PTBP3: variants seen among roughly 807,000 people sequenced by gnomAD.
PTBP3 encodes polypyrimidine tract-binding protein 3.
Under a neutral mutation model 58.7 loss-of-function variants are expected in PTBP3, and 20 were observed. That is an observed-to-expected ratio of 0.34 (90% CI 0.24 to 0.50). The LOEUF (loss-of-function observed/expected upper bound fraction) is 0.50. Ranked by LOEUF, PTBP3 falls within the 20% of genes least tolerant of loss-of-function variation. The pLI, the probability that PTBP3 is intolerant of heterozygous loss-of-function variation, is 0.98. For synonymous variants in PTBP3, 185 were observed against 219.8 expected (o/e 0.84, Z 1.40); for missense variants, 509 against 637.2 (o/e 0.80, Z 2.17).
chr9:112,326,599 T>C (rs904826431), intron 1 of PTBP3, among the ~76,000 whole-genome samples: 1 of 152,276 alleles, frequency 6.6e-6, no homozygotes, highest in Non-Finnish European at 1.5e-5. Context: ...TATGTGAGTT[T>C]TTCATACTCA....
chr9:112,345,126 T>C, the PTBP3 span, among the ~76,000 whole-genome samples: 1 of 151,572 alleles, frequency 6.6e-6, no homozygotes, highest in Admixed American at 6.6e-5. Flanking sequence ...ATAATGAAAA[T>C]AATACCACTG....
At chr9:112,253,430 G>A (rs10817301) in intron 5 of PTBP3, among the ~76,000 whole-genome samples, 41,289 of 151,964 alleles carry the variant, frequency 0.27, 6,695 homozygotes, top group South Asian at 0.4. Context: ...AAAGAGTGAG[G>A]GGAAGGCTTC....
the PTBP3 span, among the ~76,000 whole-genome samples, chr9:112,356,548 T>G: frequency 6.8e-6 from 1 of 147,382 alleles, no homozygotes; most frequent in Non-Finnish European, 1.5e-5. Flanking sequence ...TGAAGAGTTG[T>G]GTGGGGCTGG....
chr9:112,328,189 G>T (rs1457075692), intron 1 of PTBP3, among the ~76,000 whole-genome samples: 2 of 152,158 alleles, frequency 1.3e-5, no homozygotes, highest in Non-Finnish European at 2.9e-5. Flanking sequence ...ATATTCAGAT[G>T]GCATACAAGG....
At chr9:112,291,965 G>T (rs1277618157) in intron 2 of PTBP3, among the ~76,000 whole-genome samples, 2 of 40,968 alleles carry the variant, frequency 4.9e-5, no homozygotes, top group East Asian at 4.4e-4. Context: ...AACTACATAC[G>T]TGATGGGGGT....
At chr9:112,350,029 C>T in the PTBP3 span, among the ~76,000 whole-genome samples, 3 of 151,618 alleles carry the variant, frequency 2.0e-5, no homozygotes, top group South Asian at 6.2e-4. Flanking sequence ...GTGTGTTTTC[C>T]TCAGATGGTT....
rs879514503 is a variant in PTBP3, at chr9:112,315,297, TA to T, written c.-51-17382del. On this transcript the variant is annotated intron_variant, in intron 1 of 13. Transcript: ENST00000374257. Reference sequence around the variant, plus strand: ...CTTATCTGATCAAAGTAGTAAGCTTTAAAAAAAAAAAAATCAGTAACAAAAA... The same window carrying T: ...CTTATCTGATCAAAGTAGTAAGCTTTAAAAAAAAAAAATCAGTAACAAAAA... Among the ~76,000 whole-genome samples, 688 of 143,584 alleles carry T rather than the reference TA, an allele frequency of 4.8e-3. 1 individual carries two copies. The highest frequency in any genetic ancestry group is 0.011 in the African/African-American group (429 of 39,394). 94.2% of individuals were successfully genotyped at this position (143,584 alleles called of 152,430 possible). A position where few individuals can be genotyped will look rare whatever the true frequency, so the allele number is the denominator to read the frequency against.
At chr9:112,294,840 T>C (rs990724082) in intron 2 of PTBP3, among the ~76,000 whole-genome samples, 32 of 152,200 alleles carry the variant, frequency 2.1e-4, no homozygotes, top group African/African-American at 7.7e-4. Context: ...GTCTTCTCTG[T>C]ACTAGCAGTA....
intron 2 of PTBP3, among the ~76,000 whole-genome samples, chr9:112,283,773 G>T (rs1023810028): frequency 7.2e-5 from 11 of 152,238 alleles, no homozygotes; most frequent in African/African-American, 2.2e-4. Context: ...AGGCCTAAGA[G>T]AAAACAACGG....
upstream of PTBP3, chr9:112,333,677 A>T (rs868776240): frequency 2.5e-6 from 1 of 400,326 alleles, no homozygotes; most frequent in African/African-American, 4.6e-5. Flanking sequence ...CGCCTTCCCC[A>T]CCCCGCGAGC....
chr9:112,312,596 T>C (rs202161517), intron 1 of PTBP3, among the ~76,000 whole-genome samples: 1 of 105,950 alleles, frequency 9.4e-6, no homozygotes. Flanking sequence ...AAATGATAAA[T>C]GAAAAATGGT....
chr9:112,254,100 C>G (rs1836249143), intron 5 of PTBP3, among the ~76,000 whole-genome samples: 1 of 152,156 alleles, frequency 6.6e-6, no homozygotes, highest in Admixed American at 6.5e-5. Context: ...ATGCGATCCT[C>G]CCATCTCAGC....
chr9:112,372,533 A>G, the PTBP3 span, among the ~76,000 whole-genome samples: 1 of 152,226 alleles, frequency 6.6e-6, no homozygotes, highest in South Asian at 2.1e-4. Flanking sequence ...CCCCAAAACG[A>G]AACTCCATAC....
chr9:112,264,978 GA>G (rs1836737769), intron 4 of PTBP3, among the ~76,000 whole-genome samples: 2 of 152,036 alleles, frequency 1.3e-5, no homozygotes, highest in Admixed American at 6.6e-5. Context: ...AGACATAAAA[GA>G]AAACAAACAA....
At chr9:112,333,630 G>C (rs1428542856), upstream of PTBP3, 3 of 808,526 alleles carry the variant, frequency 3.7e-6, no homozygotes, top group Non-Finnish European at 5.6e-6. Context: ...GGGAACAGGG[G>C]CGGGGACCGG....
At chr9:112,344,653 T>C in the PTBP3 span, among the ~76,000 whole-genome samples, 1 of 152,086 alleles carries the variant, frequency 6.6e-6, no homozygotes, top group Non-Finnish European at 1.5e-5. Flanking sequence ...AAAGGAAAAA[T>C]AAGTTGCCAT....
At chr9:112,232,768 AATTCAAT>A (rs2131986620) in intron 8 of PTBP3, among the ~76,000 whole-genome samples, 1 of 152,302 alleles carries the variant, frequency 6.6e-6, no homozygotes, top group Admixed American at 6.5e-5. Context: ...ATATTTACAG[AATTCAAT>A]ATTCTTTTGT....
intron 7 of PTBP3, 115 bp from the exon 8 acceptor site, chr9:112,235,012 GTAAAGAT>G: frequency 1.3e-6 from 1 of 780,488 alleles, no homozygotes; most frequent in Non-Finnish European, 2.0e-6. Context: ...CTGTTACGGA[GTAAAGAT>G]CTGTTCAACA....
chr9:112,324,088 C>A (rs1049088056), intron 1 of PTBP3, among the ~76,000 whole-genome samples: 12 of 151,074 alleles, frequency 7.9e-5, no homozygotes, highest in African/African-American at 2.7e-4. Flanking sequence ...AGAAACCATA[C>A]AAGCAAAAAG....
Sources: gnomAD v4.1 joint callset for allele counts (sites outside exome capture counted in the v4.1 genomes callset) on GRCh38, gnomAD v4.1.1 for gene constraint, MANE v1.5 for transcripts, NCBI Gene and HGNC (gene_info 2026-07-23, HGNC 2026-07-21) for gene names.